The following STK32A variants were observed in gnomAD, a reference collection of about 807,000 sequenced individuals.
STK32A encodes the protein serine/threonine kinase 32A, also known as serine/threonine-protein kinase 32A.
A neutral mutation model predicts 53.2 loss-of-function variants in STK32A; 41 were observed. That is an observed-to-expected ratio of 0.77 (90% CI 0.60 to 1.00). STK32A has a LOEUF of 1.00. Ranked by LOEUF, STK32A falls within the 50% of genes least tolerant of loss-of-function variation. The probability of loss-of-function intolerance (pLI) is 0.00; values close to 1 mark genes in which losing one functional copy is unlikely to be tolerated. For missense variants in STK32A, 458 were observed against 485.8 expected (o/e 0.94, Z 0.54); for synonymous variants, 166 against 162.8 (o/e 1.02, Z -0.15).
At chr5:147,280,595 G>A (rs981433543) in intron 4 of STK32A, among the ~76,000 whole-genome samples, 3 of 151,826 alleles carry the variant, frequency 2.0e-5, no homozygotes, top group Non-Finnish European at 4.4e-5. Flanking sequence ...CCAGTGACCT[G>A]GGAATCCCAC....
intron 2 of STK32A, 166 bp downstream of exon 2, chr5:147,239,852 T>G: frequency 1.7e-6 from 1 of 590,002 alleles, no homozygotes; most frequent in Non-Finnish European, 3.0e-6. Flanking sequence ...TAGCTAGGTT[T>G]TACCTTCCAC....
intron 7 of STK32A, among the ~76,000 whole-genome samples, chr5:147,358,019 T>A (rs1373742713): frequency 6.6e-6 from 1 of 152,106 alleles, no homozygotes; most frequent in Non-Finnish European, 1.5e-5. Context: ...TTCTTGTAGA[T>A]GAAATTTAGA....
Position 147,348,150 on chromosome 5 carries a change from C to A in STK32A, c.473-2915C>A, listed in dbSNP as rs1755776407. Among the ~76,000 whole-genome samples the A allele has an allele frequency of 2.6e-5, 4 of 152,192 alleles. No individual in the cohort carries two copies. In the South Asian group the frequency reaches 8.3e-4, roughly 32 times the overall value. ...CTCTGTAACTTTTGAGTCTTTTGAA[C>A]CTAGCCATAAATGACTCATATATAA... On this transcript the variant is annotated intron_variant, in intron 6 of 12. Coordinates refer to ENST00000397936, the MANE Select transcript of STK32A (RefSeq NM_001112724.2).
chr5:147,308,088 C>G (rs1753506803), intron 4 of STK32A, among the ~76,000 whole-genome samples: 2 of 151,612 alleles, frequency 1.3e-5, no homozygotes. Flanking sequence ...TAGATTAATT[C>G]AGGGATAACT....
Position 147,323,999 on chromosome 5 carries a change from A to T in STK32A, c.362A>T (p.Glu121Val), listed in dbSNP as rs749586904. ...HLQQNVHFKE[E>V]TVKLFICELV... ...CAACAGAACGTCCACTTCAAGGAAGAAACAGTGAAGCTCTTCATCTGTGAG... is the reference window on the plus strand; with the variant it reads ...CAACAGAACGTCCACTTCAAGGAAGTAACAGTGAAGCTCTTCATCTGTGAG... The change falls in exon 5 of 13, where the codon GAA (glutamate) becomes GTA (valine). Residue 121 changes from glutamate to valine, a missense_variant. Coordinates refer to ENST00000397936, the MANE Select transcript of STK32A (RefSeq NM_001112724.2). 2 of 1,612,456 alleles carry T rather than the reference A, an allele frequency of 1.2e-6. No individual in the cohort carries two copies. The highest frequency in any genetic ancestry group is 1.7e-6 in the Non-Finnish European group (2 of 1,179,278).
At chr5:147,400,850 G>T in the STK32A span, 2 of 1,612,124 alleles carry the variant, frequency 1.2e-6, no homozygotes, top group Non-Finnish European at 1.7e-6. Context: ...AAGGAGAAAA[G>T]CTCCACATGA....
rs1035659634 is a variant in STK32A, at chr5:147,384,269, C to A, written c.*286C>A. ...AGAGGGTTATACTAGACGAGCCATA[C>A]CCTGCCTTTTTAGTGCTATAGTTGT... On this transcript the variant is annotated 3_prime_UTR_variant, in exon 13 of 13. Coordinates refer to ENST00000397936, the MANE Select transcript of STK32A (RefSeq NM_001112724.2). The A allele has an allele frequency of 2.2e-6, 3 of 1,342,490 alleles. No homozygotes were observed. The highest frequency in any genetic ancestry group is 2.5e-4 in the Middle Eastern group (1 of 3,988). The allele number at this position is 1,342,490 out of a possible 1,614,324, so 83.2% of individuals were successfully genotyped here. A position where few individuals can be genotyped will look rare whatever the true frequency, so the allele number is the denominator to read the frequency against.
At position 147,347,634 on chromosome 5, in the gene STK32A, G is replaced by C. The variant is rs558633297; in HGVS notation, c.473-3431G>C. Among the ~76,000 whole-genome samples, 9 of 152,286 alleles carry C rather than the reference G, an allele frequency of 5.9e-5. No individual in the cohort carries two copies. In the South Asian group the frequency reaches 1.9e-3, roughly 32 times the overall value. ...AATATTTCAATGGTGCTGAGGTTGA[G>C]AAACTCTGCTCTAAGGCTCACTCAA... is the stretch of plus-strand genomic sequence containing the variant. On this transcript the variant is annotated intron_variant, in intron 6 of 12. Coordinates refer to ENST00000397936, the MANE Select transcript of STK32A (RefSeq NM_001112724.2).
At chr5:147,325,291 C>G (rs978986349) in intron 5 of STK32A, among the ~76,000 whole-genome samples, 1 of 151,336 alleles carries the variant, frequency 6.6e-6, no homozygotes. Flanking sequence ...TGACATTGAC[C>G]TGTAATTTAT....
chr5:147,292,641 G>T (rs1287934913), intron 4 of STK32A, among the ~76,000 whole-genome samples: 1 of 152,192 alleles, frequency 6.6e-6, no homozygotes, highest in African/African-American at 2.4e-5. Context: ...GGCCAAGGCA[G>T]GTGGATCACC....
rs558277569 is a variant in STK32A at position 147,362,233 on chromosome 5, G to T, written c.660+619G>T. Among the ~76,000 whole-genome samples the T allele has an allele frequency of 1.6e-4, 25 of 152,322 alleles. 1 individual carries two copies. Among genetic ancestry groups the T allele is most frequent in the Admixed American group, 1.6e-3 (25 of 15,304 alleles). ...CACTCCTTAGGTTATATCTCAGTCA[G>T]CTCTGCTTACCATAATAAAATACTG... On this transcript the variant is annotated intron_variant, in intron 8 of 12. Coordinates refer to ENST00000397936, the MANE Select transcript of STK32A (RefSeq NM_001112724.2).
intron 6 of STK32A, chr5:147,348,721 T>C (rs746534109): frequency 2.6e-6 from 2 of 773,622 alleles, no homozygotes; most frequent in Non-Finnish European, 4.8e-6. Flanking sequence ...CAAGTCCCAC[T>C]GAATTGGAGT....
the STK32A span, among the ~76,000 whole-genome samples, chr5:147,397,417 A>T: frequency 1.3e-5 from 2 of 152,184 alleles, no homozygotes; most frequent in African/African-American, 4.8e-5. Flanking sequence ...AATTTAAATT[A>T]TTTTTAATAA....
rs1010462566 is a variant in STK32A, at chr5:147,385,517, T to C, written c.*1534T>C. The C allele has an allele frequency of 6.6e-6, 1 of 152,196 alleles. No individual in the cohort carries two copies. The highest frequency in any genetic ancestry group is 1.5e-5 in the Non-Finnish European group (1 of 68,030). The allele number at this position is 152,196 out of a possible 1,614,324, so 9.4% of individuals were successfully genotyped here. On this transcript the variant is annotated 3_prime_UTR_variant, in exon 13 of 13. Transcript: ENST00000397936. ...CATGGAGACTAAGGGAACAGTGGTA[T>C]CATGTCTCCCTTCTCCCTTGTGCTT...
chr5:147,326,334 G>A (rs1754587513), intron 5 of STK32A, among the ~76,000 whole-genome samples: 1 of 152,114 alleles, frequency 6.6e-6, no homozygotes, highest in Non-Finnish European at 1.5e-5. Context: ...TCCTCACCAT[G>A]GTAAAGGTAT....
At chr5:147,263,033 T>C (rs1399958083) in intron 2 of STK32A, among the ~76,000 whole-genome samples, 1 of 152,194 alleles carries the variant, frequency 6.6e-6, no homozygotes, top group African/African-American at 2.4e-5. Flanking sequence ...CTATGGTTTA[T>C]CCTCTGAAGA....
chr5:147,392,419 G>T (rs866405044), downstream of STK32A: 1 of 152,168 alleles, frequency 6.6e-6, no homozygotes, highest in African/African-American at 2.4e-5. Context: ...CAGAGACAAT[G>T]GTTTCTCCTA....
chr5:147,316,987 A>G (rs1754027019), intron 4 of STK32A, among the ~76,000 whole-genome samples: 1 of 152,098 alleles, frequency 6.6e-6, no homozygotes, highest in African/African-American at 2.4e-5. Context: ...TAAAACATTA[A>G]GGAGAAATGA....
At chr5:147,322,291 G>A (rs954249950) in intron 4 of STK32A, among the ~76,000 whole-genome samples, 1 of 152,152 alleles carries the variant, frequency 6.6e-6, no homozygotes, top group Non-Finnish European at 1.5e-5. Flanking sequence ...TCCTCTAAGA[G>A]CTAAATTTTT....
Sources: allele counts gnomAD v4.1 joint callset (sites outside exome capture counted in the v4.1 genomes callset), GRCh38; gene constraint gnomAD v4.1.1; transcripts MANE v1.5; gene names NCBI Gene and HGNC (gene_info 2026-07-23, HGNC 2026-07-21).